The following HECW1 variants were observed in gnomAD, a reference collection of about 807,000 sequenced individuals.
The protein encoded by HECW1 is E3 ubiquitin-protein ligase HECW1.
Under a neutral mutation model 182.3 loss-of-function variants are expected in HECW1, and 61 were observed. That is an observed-to-expected ratio of 0.33 (90% CI 0.27 to 0.41). HECW1 has a LOEUF of 0.41. HECW1 is among the 10% of genes least tolerant of loss of function. The pLI is 1.00. For synonymous variants in HECW1, 859 were observed against 832.6 expected, an observed-to-expected ratio of 1.03 and a Z score of -0.55; for missense variants, 1,739 against 2,108.9, an observed-to-expected ratio of 0.82 and a Z score of 3.44.
intron 8 of HECW1, among the ~76,000 whole-genome samples, chr7:43,417,523 A>G (rs1562954119): frequency 6.6e-6 from 1 of 151,990 alleles, no homozygotes; most frequent in Non-Finnish European, 1.5e-5. Context: ...TTTTCACTGG[A>G]TATAGAATTC....
intron 2 of HECW1, among the ~76,000 whole-genome samples, chr7:43,170,549 G>A (rs531316849): frequency 5.3e-5 from 8 of 152,178 alleles, no homozygotes; most frequent in Admixed American, 2.0e-4. Flanking sequence ...GTTACAGCTC[G>A]TGAACAGACC....
chr7:43,479,951 C>A (rs2078361700), intron 17 of HECW1, among the ~76,000 whole-genome samples: 1 of 152,166 alleles, frequency 6.6e-6, no homozygotes, highest in Admixed American at 6.5e-5. Context: ...TTCTGCCTTG[C>A]CTTTTGTCCC....
At chr7:43,399,664 C>G (rs2075340904) in intron 7 of HECW1, among the ~76,000 whole-genome samples, 1 of 152,132 alleles carries the variant, frequency 6.6e-6, no homozygotes, top group South Asian at 2.1e-4. Flanking sequence ...GAGGAGGAAG[C>G]CCCACCACCA....
intron 17 of HECW1, among the ~76,000 whole-genome samples, chr7:43,491,339 A>C (rs2078926541): frequency 6.6e-6 from 1 of 152,180 alleles, no homozygotes; most frequent in Non-Finnish European, 1.5e-5. Flanking sequence ...ATTTGTTAGG[A>C]TATATAAGAT....
intron 13 of HECW1, among the ~76,000 whole-genome samples, chr7:43,463,094 A>C (rs927273199): frequency 6.6e-6 from 1 of 152,250 alleles, no homozygotes; most frequent in African/African-American, 2.4e-5. Context: ...CAAGGTGGCC[A>C]GCTGGCAGGC....
At chr7:43,266,838 A>C (rs1441118858) in intron 3 of HECW1, among the ~76,000 whole-genome samples, 1 of 152,252 alleles carries the variant, frequency 6.6e-6, no homozygotes, top group African/African-American at 2.4e-5. Context: ...GGAATGATTA[A>C]AAGTAAAGAC....
chr7:43,150,452 C>A (rs570545375), intron 2 of HECW1, among the ~76,000 whole-genome samples: 8 of 152,108 alleles, frequency 5.3e-5, no homozygotes, highest in Non-Finnish European at 8.8e-5. Context: ...AATGTCAGCT[C>A]GGTGCAACCT....
intron 6 of HECW1, among the ~76,000 whole-genome samples, chr7:43,388,880 T>C (rs1161445037): frequency 6.6e-6 from 1 of 152,164 alleles, no homozygotes; most frequent in Non-Finnish European, 1.5e-5. Flanking sequence ...CTTGATGAGT[T>C]TGAACCAGGT....
intron 8 of HECW1, among the ~76,000 whole-genome samples, chr7:43,416,108 C>T (rs866071634): frequency 3.3e-5 from 5 of 151,832 alleles, no homozygotes; most frequent in African/African-American, 4.9e-5. Context: ...AGATGCTCTG[C>T]GTTTTAGAGT....
chr7:43,308,442 A>G (rs1447770161), intron 3 of HECW1, among the ~76,000 whole-genome samples: 1 of 147,470 alleles, frequency 6.8e-6, no homozygotes, highest in Admixed American at 7.0e-5. Context: ...TTTGTCAATT[A>G]TACCTCAATA....
At chr7:43,268,758 T>G (rs1802057541) in intron 3 of HECW1, among the ~76,000 whole-genome samples, 1 of 112,174 alleles carries the variant, frequency 8.9e-6, no homozygotes, top group East Asian at 3.4e-4. Context: ...CTGTGTTTTG[T>G]TGTTGTTGTT....
chr7:43,554,178 G>A (rs1236017913), intron 28 of HECW1, among the ~76,000 whole-genome samples: 1 of 152,174 alleles, frequency 6.6e-6, no homozygotes, highest in African/African-American at 2.4e-5. Flanking sequence ...CTCTCCCGTG[G>A]TATGTGGTTG....
At chr7:43,162,166 T>C (rs959321445) in intron 2 of HECW1, among the ~76,000 whole-genome samples, 12 of 152,248 alleles carry the variant, frequency 7.9e-5, no homozygotes, top group Admixed American at 7.2e-4. Context: ...TTGTAAGGAA[T>C]TGAAAAAGAA....
intron 2 of HECW1, among the ~76,000 whole-genome samples, chr7:43,207,059 A>G (rs1290593962): frequency 6.6e-6 from 1 of 151,810 alleles, no homozygotes; most frequent in Non-Finnish European, 1.5e-5. Flanking sequence ...TTATTTTTTT[A>G]TTTTTGAGGC....
In HECW1 at chr7:43,456,354, G is replaced by C; in HGVS notation, c.2558G>C (p.Arg853Pro). 6.2e-7 allele frequency: 1 copy of C among 1,614,008 alleles called. No homozygotes were observed. Among genetic ancestry groups the C allele is most frequent in the Non-Finnish European group, 8.5e-7 (1 of 1,179,946 alleles). The change falls in exon 13 of 30, where the codon CGC (arginine) becomes CCC (proline). Residue 853 changes from arginine to proline, a missense_variant. Around this residue, in one of 5 missense-constraint regions of HECW1, gnomAD observed 971 missense variants for 1,029.1 expected, o/e 0.94. Coordinates refer to ENST00000395891, the MANE Select transcript of HECW1 (RefSeq NM_015052.5). The stretch of plus-strand genomic sequence containing the variant: ...GTCTTTTATGTGGACCACGTGAACC[G>C]CACAACCACCTGGCAGCGTCCGACG... ...GRVFYVDHVN[R>P]TTTWQRPTAA... is the part of the protein sequence containing the mutation.
chr7:43,463,609 C>A, intron 13 of HECW1, 51 bp from the exon 14 acceptor site: 2 of 1,577,598 alleles, frequency 1.3e-6, no homozygotes, highest in South Asian at 1.1e-5. Flanking sequence ...GTTTTGGCCC[C>A]CAAGGAGCAA....
intron 3 of HECW1, among the ~76,000 whole-genome samples, chr7:43,309,711 T>A (rs2152770800): frequency 6.6e-6 from 1 of 152,326 alleles, no homozygotes; most frequent in South Asian, 2.1e-4. Context: ...CACACTAGGC[T>A]GTGTAACCCT....
At chr7:43,480,225 T>C (rs1287804690) in intron 17 of HECW1, among the ~76,000 whole-genome samples, 1 of 152,222 alleles carries the variant, frequency 6.6e-6, no homozygotes, top group Admixed American at 6.5e-5. Context: ...CCCACTCTAT[T>C]CGCGCTCTAC....
chr7:43,231,946 C>T (rs2079264), intron 2 of HECW1, among the ~76,000 whole-genome samples: 22,308 of 148,666 alleles, frequency 0.15, 1,812 homozygotes, highest in Middle Eastern at 0.3. Context: ...GGCGTGAACC[C>T]GGGAGGCGGA....
Sources: allele counts gnomAD v4.1 joint callset (sites outside exome capture counted in the v4.1 genomes callset), GRCh38; gene constraint gnomAD v4.1.1; regional missense constraint gnomAD v4.1.1; transcripts MANE v1.5; gene names NCBI Gene and HGNC (gene_info 2026-07-23, HGNC 2026-07-21).